Variants in TBC1D5 observed in about 807,000 individuals in gnomAD.
TBC1D5 encodes the protein TBC1 domain family, member 5.
Under a neutral mutation model 100.3 loss-of-function variants are expected in TBC1D5, and 75 were observed. The ratio of observed to expected loss-of-function variants is 0.75; its 90% confidence interval spans 0.62 to 0.91. The LOEUF (loss-of-function observed/expected upper bound fraction) is 0.91, where lower values mean the gene tolerates loss of function less well. TBC1D5 is among the 40% of genes least tolerant of loss of function. The probability of loss-of-function intolerance (pLI) is 0.00; values close to 1 mark genes in which losing one functional copy is unlikely to be tolerated. For synonymous variants in TBC1D5, 323 were observed against 325.6 expected (o/e 0.99, Z 0.09); for missense variants, 910 against 942.4 (o/e 0.97, Z 0.45).
intron 14 of TBC1D5, among the ~76,000 whole-genome samples, chr3:17,295,669 T>C (rs146280679): frequency 1.1e-4 from 17 of 152,338 alleles, no homozygotes; most frequent in African/African-American, 4.1e-4. Flanking sequence ...ATACATGCAA[T>C]ACTTTTTCAA....
chr3:17,424,519 T>C (rs1223638856), intron 4 of TBC1D5, among the ~76,000 whole-genome samples: 1 of 152,212 alleles, frequency 6.6e-6, no homozygotes, highest in Admixed American at 6.5e-5. Flanking sequence ...CGTTGGTCTT[T>C]AAAAAGTACA....
intron 17 of TBC1D5, among the ~76,000 whole-genome samples, chr3:17,225,393 T>C (rs1377143503): frequency 7.3e-6 from 1 of 137,374 alleles, no homozygotes; most frequent in Non-Finnish European, 1.5e-5. Context: ...GAGCTGGGAG[T>C]GCATCACTGC....
chr3:17,601,385 C>T (rs1412786109), intron 2 of TBC1D5, among the ~76,000 whole-genome samples: 2 of 152,178 alleles, frequency 1.3e-5, no homozygotes, highest in Non-Finnish European at 2.9e-5. Flanking sequence ...GTGGCACATG[C>T]CTGTAATCCC....
At chr3:17,704,485 C>A in intron 1 of TBC1D5, among the ~76,000 whole-genome samples, 1 of 138,338 alleles carries the variant, frequency 7.2e-6, no homozygotes, top group East Asian at 2.5e-4. Flanking sequence ...TCCTCACTTC[C>A]CAGTAGGGGC....
intron 3 of TBC1D5, among the ~76,000 whole-genome samples, chr3:17,476,378 G>C (rs1473037512): frequency 6.6e-6 from 1 of 151,884 alleles, no homozygotes; most frequent in Non-Finnish European, 1.5e-5. Flanking sequence ...GTTGTCCTCT[G>C]CACCACTTAA....
chr3:17,292,091 A>G, intron 14 of TBC1D5, 90 bp from the exon 15 acceptor site: 1 of 1,100,546 alleles, frequency 9.1e-7, no homozygotes, highest in South Asian at 1.5e-5. Context: ...TTAAGAGTCA[A>G]TGAAAGCAAA....
At chr3:17,371,707 T>C (rs762627272) in intron 13 of TBC1D5, among the ~76,000 whole-genome samples, 10 of 152,130 alleles carry the variant, frequency 6.6e-5, no homozygotes, top group Admixed American at 2.0e-4. Context: ...TCCGAGCACA[T>C]AGAAATTTAC....
intron 8 of TBC1D5, among the ~76,000 whole-genome samples, chr3:17,391,337 A>G (rs2093345233): frequency 6.6e-6 from 1 of 152,070 alleles, no homozygotes. Context: ...TGGATACTCC[A>G]GCCATAGTCA....
intron 8 of TBC1D5, among the ~76,000 whole-genome samples, chr3:17,391,833 GA>G (rs1308512977): frequency 1.3e-5 from 2 of 152,084 alleles, no homozygotes; most frequent in Non-Finnish European, 2.9e-5. Flanking sequence ...CATAGAAAAT[GA>G]ATCTAATAAA....
intron 2 of TBC1D5, among the ~76,000 whole-genome samples, chr3:17,530,345 G>A (rs1489229419): frequency 6.6e-6 from 1 of 152,104 alleles, no homozygotes; most frequent in East Asian, 1.9e-4. Context: ...TATCGATGGG[G>A]GGTTGGGGGG....
At chr3:17,344,744 G>A (rs897145078) in intron 13 of TBC1D5, among the ~76,000 whole-genome samples, 6 of 152,086 alleles carry the variant, frequency 3.9e-5, no homozygotes, top group African/African-American at 1.4e-4. Context: ...ACAGAACAGA[G>A]CCCTCAGAAA....
At chr3:17,346,180 G>T (rs2089841857) in intron 13 of TBC1D5, among the ~76,000 whole-genome samples, 1 of 152,030 alleles carries the variant, frequency 6.6e-6, no homozygotes, top group Non-Finnish European at 1.5e-5. Context: ...TAATACAATT[G>T]GATGGTAAAG....
At chr3:17,702,625 G>A (rs1170308580) in intron 1 of TBC1D5, among the ~76,000 whole-genome samples, 3 of 152,030 alleles carry the variant, frequency 2.0e-5, no homozygotes, top group Non-Finnish European at 2.9e-5. Flanking sequence ...ACAATCATTA[G>A]GCATACATAG....
In TBC1D5 at chr3:17,690,417, C is replaced by T. The variant is rs2070971901; in HGVS notation, c.-101+48926G>A. ...ATTTTTAGTAGAGACGGGGTTTCAC[C>T]GTTTTAGCCGGGATGGTCTCGATCT... On this transcript the variant is annotated intron_variant, in intron 1 of 21. Transcript: ENST00000253692. 2.3e-5 allele frequency among the ~76,000 whole-genome samples: 2 copies of T among 87,924 alleles called. 1 individual carries two copies. Among genetic ancestry groups the T allele is most frequent in the Admixed American group, 2.7e-4 (2 of 7,462 alleles). The allele number at this position is 87,924 out of a possible 152,430, so 57.7% of individuals were successfully genotyped here.
intron 18 of TBC1D5, among the ~76,000 whole-genome samples, chr3:17,195,866 T>C (rs1175276548): frequency 6.6e-6 from 1 of 152,136 alleles, no homozygotes; most frequent in Non-Finnish European, 1.5e-5. Context: ...ATGCCTATCA[T>C]ACTTTTGTTA....
At chr3:17,434,369 T>C (rs1823099) in intron 3 of TBC1D5, among the ~76,000 whole-genome samples, 9,250 of 152,270 alleles carry the variant, frequency 0.061, 549 homozygotes, top group African/African-American at 0.15. Context: ...ACATCAATTC[T>C]TGTCTTCTGC....
At chr3:17,585,242 G>C (rs904511811) in intron 2 of TBC1D5, among the ~76,000 whole-genome samples, 4 of 152,186 alleles carry the variant, frequency 2.6e-5, no homozygotes, top group African/African-American at 9.7e-5. Flanking sequence ...TACTAGAAGA[G>C]ATCACTTTGG....
intron 1 of TBC1D5, among the ~76,000 whole-genome samples, chr3:17,678,263 A>G (rs1292148616): frequency 6.6e-6 from 1 of 152,222 alleles, no homozygotes; most frequent in African/African-American, 2.4e-5. Context: ...TAAGGTATGT[A>G]GGAGGTGAAG....
Position 17,548,306 on chromosome 3 carries a change from T to G in TBC1D5, c.-35-39701A>C, listed in dbSNP as rs544829147. Among the ~76,000 whole-genome samples the G allele has an allele frequency of 1.1e-4, 16 of 152,214 alleles. No homozygotes were observed. In the East Asian group the frequency reaches 2.9e-3, roughly 28 times the overall value. ...CTAAGGATGGGCAACAAAGCGAGAC[T>G]CGGTCTCAAAAACAAACAAACAAAC... is the stretch of plus-strand genomic sequence containing the variant. On this transcript the variant is annotated intron_variant, in intron 2 of 21. Transcript: ENST00000253692.
Sources: allele counts gnomAD v4.1 joint callset (sites outside exome capture counted in the v4.1 genomes callset), GRCh38; gene constraint gnomAD v4.1.1; transcripts MANE v1.5; gene names NCBI Gene and HGNC (gene_info 2026-07-23, HGNC 2026-07-21).